Variants in GRM7 observed in about 807,000 individuals in gnomAD.
The protein encoded by GRM7 is metabotropic glutamate receptor 7.
A neutral mutation model predicts 84.5 loss-of-function variants in GRM7; 35 were observed. That is an observed-to-expected ratio of 0.41 (90% CI 0.32 to 0.55). The LOEUF is 0.55. GRM7 is among the 20% of genes least tolerant of loss of function. GRM7 has a pLI of 0.19. For missense variants in GRM7, 1,003 were observed against 1,194.6 expected (o/e 0.84, Z 2.36); for synonymous variants, 487 against 455.1 (o/e 1.07, Z -0.89).
At chr3:7,116,781 T>C (rs1311777140) in intron 1 of GRM7, among the ~76,000 whole-genome samples, 2 of 152,160 alleles carry the variant, frequency 1.3e-5, no homozygotes, top group African/African-American at 4.8e-5. Context: ...TGTTGCAAAA[T>C]AACTTCATCC....
chr3:6,883,885 C>A (rs114113313), intron 1 of GRM7, among the ~76,000 whole-genome samples: 112 of 152,320 alleles, frequency 7.4e-4, no homozygotes, highest in African/African-American at 2.6e-3. Flanking sequence ...GAGAAGTTAT[C>A]TTGGTCTCTT....
intron 1 of GRM7, among the ~76,000 whole-genome samples, chr3:7,015,137 C>T (rs1695516774): frequency 6.6e-6 from 1 of 151,628 alleles, no homozygotes; most frequent in Admixed American, 6.6e-5. Context: ...TACACCCCAC[C>T]CCCCCATAAG....
At chr3:7,124,539 C>T (rs888725085) in intron 1 of GRM7, among the ~76,000 whole-genome samples, 3 of 152,004 alleles carry the variant, frequency 2.0e-5, no homozygotes, top group African/African-American at 4.8e-5. Context: ...TGATTGAAAA[C>T]CAGATTTGGA....
intron 1 of GRM7, among the ~76,000 whole-genome samples, chr3:6,929,137 A>G (rs935297125): frequency 6.6e-6 from 1 of 152,226 alleles, no homozygotes; most frequent in African/African-American, 2.4e-5. Flanking sequence ...AAAAAATCAC[A>G]GTCAAAGCAT....
At chr3:7,670,375 T>G (rs568701610) in intron 8 of GRM7, among the ~76,000 whole-genome samples, 1 of 152,288 alleles carries the variant, frequency 6.6e-6, no homozygotes, top group South Asian at 2.1e-4. Flanking sequence ...AAGGCTGGGA[T>G]GAATCCGATC....
chr3:7,693,371 C>T (rs1387387778), intron 9 of GRM7, among the ~76,000 whole-genome samples: 1 of 151,950 alleles, frequency 6.6e-6, no homozygotes, highest in East Asian at 1.9e-4. Context: ...ATTCCCCCCA[C>T]CCCCTCATCA....
intron 4 of GRM7, among the ~76,000 whole-genome samples, chr3:7,332,048 T>A (rs928279729): frequency 1.3e-5 from 2 of 152,156 alleles, no homozygotes; most frequent in Non-Finnish European, 2.9e-5. Flanking sequence ...TTTATAGGTG[T>A]ATACAAGAGG....
chr3:6,870,450 A>G (rs464699), intron 1 of GRM7, among the ~76,000 whole-genome samples: 113,848 of 152,030 alleles, frequency 0.75, 42,852 homozygotes, highest in Middle Eastern at 0.85. Context: ...AGGAGGAAGG[A>G]ACAGCAGGAG....
In GRM7 at chr3:7,330,677, A is replaced by C. The variant is rs151250456; in HGVS notation, c.1033+24025A>C. On this transcript the variant is annotated intron_variant, in intron 4 of 9. Coordinates refer to ENST00000357716, the MANE Select transcript of GRM7 (RefSeq NM_000844.4). The stretch of plus-strand genomic sequence containing the variant: ...TCTCCTGCCTGCCGCCATGTAAGAC[A>C]TGCATTTCACCTTCCACCATGATTC... Among the ~76,000 whole-genome samples, 68 of 152,286 alleles carry C rather than the reference A, an allele frequency of 4.5e-4. No individual in the cohort carries two copies. In the East Asian group the frequency reaches 0.011, roughly 24 times the overall value.
At chr3:7,445,998 CT>C (rs3840248) in intron 5 of GRM7, among the ~76,000 whole-genome samples, 53,674 of 151,732 alleles carry the variant, frequency 0.35, 10,875 homozygotes, top group Non-Finnish European at 0.48. Flanking sequence ...CCCTGACTCT[CT>C]TTTTCAAAGC....
chr3:7,248,780 T>C (rs1697869746), intron 2 of GRM7, among the ~76,000 whole-genome samples: 1 of 152,078 alleles, frequency 6.6e-6, no homozygotes, highest in African/African-American at 2.4e-5. Flanking sequence ...CGCTTGCAAA[T>C]CACCTATATA....
chr3:6,877,046 A>G (rs1308806507), intron 1 of GRM7, among the ~76,000 whole-genome samples: 1 of 152,222 alleles, frequency 6.6e-6, no homozygotes, highest in African/African-American at 2.4e-5. Flanking sequence ...AATTTCAGCC[A>G]ATTGAATGGA....
chr3:6,978,718 C>T lies in GRM7; in HGVS notation c.519+116811C>T, dbSNP rs564588782. On this transcript the variant is annotated intron_variant, in intron 1 of 9. Coordinates refer to ENST00000357716, the MANE Select transcript of GRM7 (RefSeq NM_000844.4). Reference sequence around the variant, plus strand: ...ACTAAAGGAGAACATAGTGGCATAACGGGAAAGGAAAGGACCTCTTGGAAC... The same window carrying T: ...ACTAAAGGAGAACATAGTGGCATAATGGGAAAGGAAAGGACCTCTTGGAAC... 1.4e-4 allele frequency among the ~76,000 whole-genome samples: 22 copies of T among 151,960 alleles called. No individual in the cohort carries two copies. In the East Asian group the frequency reaches 1.6e-3, roughly 11 times the overall value.
chr3:7,581,123 C>T (rs1695230913), intron 8 of GRM7, among the ~76,000 whole-genome samples: 1 of 152,108 alleles, frequency 6.6e-6, no homozygotes, highest in Admixed American at 6.6e-5. Context: ...GATTGCAATG[C>T]CTATTTGACA....
intron 1 of GRM7, among the ~76,000 whole-genome samples, chr3:6,898,383 T>G (rs1574987466): frequency 2.3e-5 from 2 of 85,820 alleles, no homozygotes; most frequent in South Asian, 6.7e-4. Flanking sequence ...CAAATAGAGA[T>G]AAAGCAATGG....
chr3:6,933,519 T>C (rs549429433), intron 1 of GRM7, among the ~76,000 whole-genome samples: 1 of 152,290 alleles, frequency 6.6e-6, no homozygotes, highest in African/African-American at 2.4e-5. Flanking sequence ...TCAACTCCTA[T>C]TGTATTTGAA....
At chr3:7,566,170 G>T (rs1229635246) in intron 7 of GRM7, among the ~76,000 whole-genome samples, 1 of 135,892 alleles carries the variant, frequency 7.4e-6, no homozygotes, top group Non-Finnish European at 1.5e-5. Flanking sequence ...GGCTTTTCTG[G>T]CTATGCATTG....
At chr3:6,866,182 AC>A (rs751315256) in intron 1 of GRM7, among the ~76,000 whole-genome samples, 7 of 152,232 alleles carry the variant, frequency 4.6e-5, no homozygotes, top group Non-Finnish European at 1.0e-4. Flanking sequence ...TTAACAAATT[AC>A]AAGTGCTATA....
At chr3:7,359,832 T>C in intron 4 of GRM7, among the ~76,000 whole-genome samples, 1 of 148,562 alleles carries the variant, frequency 6.7e-6, no homozygotes, top group African/African-American at 2.5e-5. Flanking sequence ...GCAAAGTGCT[T>C]ACACCGACAA....
Sources: gnomAD v4.1 joint callset for allele counts (sites outside exome capture counted in the v4.1 genomes callset) on GRCh38, gnomAD v4.1.1 for gene constraint, MANE v1.5 for transcripts, NCBI Gene and HGNC (gene_info 2026-07-23, HGNC 2026-07-21) for gene names.